The following NTRK2 variants were observed in gnomAD, a reference collection of about 807,000 sequenced individuals.
The protein encoded by NTRK2 is neurotrophic receptor tyrosine kinase 2, also known as BDNF/NT-3 growth factors receptor.
NTRK2 carries 13 observed loss-of-function variants against 94.5 expected under a neutral mutation model. The observed-to-expected ratio is 0.14, with a 90% CI of 0.09 to 0.22. The LOEUF is 0.22. Among genes scored for constraint, NTRK2 ranks in the 10% least tolerant of loss-of-function variants. NTRK2 has a pLI of 1.00. For missense variants in NTRK2, 639 were observed against 1,071.2 expected (o/e 0.60, Z 5.63); for synonymous variants, 372 against 407.4 (o/e 0.91, Z 1.05).
chr9:85,001,766 T>C (rs566512365), intron 17 of NTRK2, among the ~76,000 whole-genome samples: 56 of 152,350 alleles, frequency 3.7e-4, no homozygotes, highest in Non-Finnish European at 2.9e-5. Context: ...CGTGCCATAA[T>C]TGGGGCAGAA....
Position 84,707,904 on chromosome 9 carries a change from G to T in NTRK2, c.420G>T (p.Leu140Phe). ...GGAAACATTTCCGTCACCTTGACTT[G>T]TCTGAACTGTAAGTAATGATTTTGT... The part of the protein sequence containing the change: ...LSRKHFRHLD[L>F]SELILVGNPF... Residue 140 changes from leucine to phenylalanine, a missense_variant, in exon 5 of 19, where the codon TTG (leucine) becomes TTT (phenylalanine). Around this residue, in one of 5 missense-constraint regions of NTRK2, gnomAD observed 206 missense variants for 251.5 expected, o/e 0.82. Coordinates refer to ENST00000277120, the MANE Select transcript of NTRK2 (RefSeq NM_006180.6). 1 of 1,612,416 alleles carries T rather than the reference G, an allele frequency of 6.2e-7. No individual in the cohort carries two copies. Among genetic ancestry groups the T allele is most frequent in the Non-Finnish European group, 8.5e-7 (1 of 1,178,842 alleles).
intron 14 of NTRK2, among the ~76,000 whole-genome samples, chr9:84,914,828 A>G (rs955491117): frequency 3.3e-5 from 5 of 152,206 alleles, no homozygotes; most frequent in Non-Finnish European, 5.9e-5. Flanking sequence ...ATTCACCACC[A>G]TGTCATTCCA....
intron 17 of NTRK2, among the ~76,000 whole-genome samples, chr9:85,001,954 C>T (rs553747238): frequency 1.4e-4 from 21 of 152,218 alleles, no homozygotes; most frequent in African/African-American, 3.6e-4. Context: ...CAGAGGTATG[C>T]GGGGAAGGGG....
chr9:84,940,613 C>T (rs1235022410), intron 15 of NTRK2, among the ~76,000 whole-genome samples: 2 of 152,044 alleles, frequency 1.3e-5, no homozygotes, highest in Non-Finnish European at 2.9e-5. Flanking sequence ...GAGGTGGTCA[C>T]GTGGTACAGA....
chr9:85,010,985 C>A (rs1360685115), intron 17 of NTRK2, among the ~76,000 whole-genome samples: 1 of 152,066 alleles, frequency 6.6e-6, no homozygotes, highest in Admixed American at 6.5e-5. Context: ...CCATTCTGCC[C>A]CTGTATACAC....
intron 14 of NTRK2, among the ~76,000 whole-genome samples, chr9:84,905,344 G>C (rs1000583397): frequency 6.6e-6 from 1 of 151,714 alleles, no homozygotes; most frequent in African/African-American, 2.4e-5. Flanking sequence ...AAATGATGTG[G>C]ACACAGAAGC....
At chr9:85,004,035 G>GAAAGAAAGAAAGAAAGAAAGAAAGAA (rs1564542151) in intron 17 of NTRK2, among the ~76,000 whole-genome samples, 2 of 69,378 alleles carry the variant, frequency 2.9e-5, no homozygotes, top group African/African-American at 7.1e-5. Flanking sequence ...GAAAGAAAGA[G>GAAAGAAAGAAAGAAAGAAAGAAAGAA]AGAAAGAAAG....
intron 12 of NTRK2, among the ~76,000 whole-genome samples, chr9:84,832,951 A>G (rs1006545558): frequency 1.1e-4 from 16 of 152,136 alleles, no homozygotes; most frequent in African/African-American, 3.6e-4. Context: ...GCACTCCTGC[A>G]CACTCTATGG....
chr9:84,948,337 T>C lies in NTRK2; in HGVS notation c.1765-125T>C, dbSNP rs1078947. Reference sequence around the variant, plus strand: ...GTTATTCCTCAGTTATTAGCACAAATGTTATTTCCTTAGGAACTAGGCTGT... The same window carrying C: ...GTTATTCCTCAGTTATTAGCACAAACGTTATTTCCTTAGGAACTAGGCTGT... On this transcript the variant is annotated intron_variant, in intron 15 of 18. Transcript: ENST00000277120. The C allele has an allele frequency of 0.84, 833,005 of 990,600 alleles. 351,382 individuals carry two copies. Among genetic ancestry groups the C allele is most frequent in the South Asian group, 0.86 (62,511 of 72,306 alleles). The allele number at this position is 990,600 out of a possible 1,614,324, so 61.4% of individuals were successfully genotyped here. A position where few individuals can be genotyped will look rare whatever the true frequency, so the allele number is the denominator to read the frequency against.
chr9:85,015,263 A>G (rs1439088448), intron 17 of NTRK2, among the ~76,000 whole-genome samples: 1 of 152,176 alleles, frequency 6.6e-6, no homozygotes, highest in Admixed American at 6.5e-5. Flanking sequence ...TGTCTACTGT[A>G]CAGGTGGCAA....
intron 12 of NTRK2, among the ~76,000 whole-genome samples, chr9:84,782,497 T>C (rs1461384658): frequency 1.3e-5 from 2 of 152,124 alleles, no homozygotes; most frequent in African/African-American, 4.8e-5. Flanking sequence ...GCTGTGGTAT[T>C]TTTTCTGCCT....
chr9:84,876,494 G>C (rs2076072531), intron 14 of NTRK2: 4 of 1,055,400 alleles, frequency 3.8e-6, no homozygotes, highest in African/African-American at 1.6e-5. Context: ...CTGAGGAATA[G>C]AGAGGCACTA....
chr9:84,949,970 C>T (rs1032705408), intron 16 of NTRK2, among the ~76,000 whole-genome samples: 2 of 152,148 alleles, frequency 1.3e-5, no homozygotes, highest in Admixed American at 6.5e-5. Flanking sequence ...GACCATGCTG[C>T]GTGATGATAC....
At chr9:85,020,083 T>C in intron 17 of NTRK2, 123 bp from the exon 18 acceptor site, 1 of 1,001,148 alleles carries the variant, frequency 1.0e-6, no homozygotes, top group Non-Finnish European at 1.6e-6. Flanking sequence ...ATCCTTTATG[T>C]GTTTATAAAC....
intron 12 of NTRK2, among the ~76,000 whole-genome samples, chr9:84,859,018 AG>A (rs1472190754): frequency 1.3e-5 from 2 of 152,210 alleles, no homozygotes; most frequent in African/African-American, 2.4e-5. Context: ...ATGTAAACAA[AG>A]GTTGGCTGAG....
intron 17 of NTRK2, among the ~76,000 whole-genome samples, chr9:85,003,268 GA>G (rs1830523625): frequency 6.6e-6 from 1 of 152,088 alleles, no homozygotes; most frequent in Non-Finnish European, 1.5e-5. Flanking sequence ...AATGGGAGGA[GA>G]AAAAGTGTGG....
At chr9:84,818,398 T>C (rs1355590088) in intron 12 of NTRK2, among the ~76,000 whole-genome samples, 1 of 152,218 alleles carries the variant, frequency 6.6e-6, no homozygotes, top group Non-Finnish European at 1.5e-5. Context: ...AGTTGTGTTA[T>C]TGTTGCACTA....
intron 2 of NTRK2, among the ~76,000 whole-genome samples, chr9:84,692,468 C>CTTTTTTTTTTTTTTTTTTTTTTTTTTT (rs71369138): frequency 3.1e-4 from 27 of 87,674 alleles, no homozygotes; most frequent in Non-Finnish European, 4.9e-4. Context: ...TTCTTTTTTT[C>CTTTTTTTTTTTTTTTTTTTTTTTTTTT]TTTTTTTTTT....
intron 17 of NTRK2, among the ~76,000 whole-genome samples, chr9:84,979,438 T>TG (rs1392690188): frequency 6.6e-6 from 1 of 152,200 alleles, no homozygotes; most frequent in African/African-American, 2.4e-5. Context: ...CCTGGAGATG[T>TG]GACTGAATTG....
Sources: gnomAD v4.1 joint callset for allele counts (sites outside exome capture counted in the v4.1 genomes callset) on GRCh38, gnomAD v4.1.1 for gene constraint, gnomAD v4.1.1 regional missense constraint, MANE v1.5 for transcripts, NCBI Gene and HGNC (gene_info 2026-07-23, HGNC 2026-07-21) for gene names.